The following FHAD1 variants were observed in gnomAD, a reference collection of about 807,000 sequenced individuals.
The protein encoded by FHAD1 is forkhead associated phosphopeptide binding domain 1.
FHAD1 carries 146 observed loss-of-function variants against 191.3 expected under a neutral mutation model. The observed-to-expected ratio is 0.76, with a 90% CI of 0.67 to 0.88. FHAD1 has a LOEUF of 0.88. FHAD1 is among the 40% of genes least tolerant of loss of function. The pLI, the probability that FHAD1 is intolerant of heterozygous loss-of-function variation, is 0.00. For synonymous variants in FHAD1, 616 were observed against 672.3 expected, an observed-to-expected ratio of 0.92 and a Z score of 1.29; for missense variants, 1,635 against 1,785.8, an observed-to-expected ratio of 0.92 and a Z score of 1.52.
chr1:15,308,810 A>G (rs1671364866), intron 7 of FHAD1, 74 bp downstream of exon 7: 3 of 1,540,620 alleles, frequency 1.9e-6, no homozygotes. Flanking sequence ...GACATCACCA[A>G]TCAACCACAT....
intron 2 of FHAD1, among the ~76,000 whole-genome samples, chr1:15,259,505 C>T (rs1649977889): frequency 6.6e-6 from 1 of 152,154 alleles, no homozygotes; most frequent in Admixed American, 6.5e-5. Flanking sequence ...GTAAATTTGG[C>T]TTTAGGGAAC....
intron 3 of FHAD1, chr1:15,286,969 T>C (rs114007956): frequency 8.3e-4 from 126 of 152,388 alleles, no homozygotes; most frequent in African/African-American, 2.8e-3. Context: ...GTAAAACGCA[T>C]TGGAGTTTGC....
rs563207105 is a variant in FHAD1, at chr1:15,365,903, G to A, written c.3124G>A (p.Glu1042Lys). The A allele has an allele frequency of 4.6e-5, 72 of 1,551,426 alleles. No individual in the cohort carries two copies. Among genetic ancestry groups the A allele is most frequent in the African/African-American group, 8.2e-5 (6 of 73,132 alleles). The change falls in exon 24 of 34, where the codon GAA becomes AAA. Residue 1042 changes from glutamate to lysine, a missense_variant. Physicochemically the swap from Glu to Lys is moderately conservative, Grantham distance 56. Coordinates refer to ENST00000688493, the MANE Select transcript of FHAD1 (RefSeq NM_001391957.1). ...CATGAAGTTAAGGAAAGACCTTACC[G>A]AAGCCCACAGCAGAATGTCGGATTT... ...VIMKLRKDLT[E>K]AHSRMSDLRG...
chr1:15,276,266 C>G lies in FHAD1; in HGVS notation c.300+3737C>G, dbSNP rs539418248. ...AATTGCTTAGCCCAGTATCTGGTGCCTATGATAGCAGGAAGGTAAGAGGAG... is the reference window on the plus strand; with the variant it reads ...AATTGCTTAGCCCAGTATCTGGTGCGTATGATAGCAGGAAGGTAAGAGGAG... On this transcript the variant is annotated intron_variant, in intron 3 of 33. Coordinates refer to ENST00000688493, the MANE Select transcript of FHAD1 (RefSeq NM_001391957.1). This position sits in a 1 kb window ranked among gnomAD's most constrained non-coding sequence, Gnocchi z 4.7. 6.6e-6 allele frequency among the ~76,000 whole-genome samples: 1 copy of G among 152,256 alleles called. No homozygotes were observed. The highest frequency in any genetic ancestry group is 1.9e-4 in the East Asian group (1 of 5,188).
At chr1:15,268,249 G>T (rs565916488) in intron 2 of FHAD1, among the ~76,000 whole-genome samples, 1,606 of 149,120 alleles carry the variant, frequency 0.011, 13 homozygotes, top group Non-Finnish European at 0.016. Context: ...TACGGTGTTT[G>T]GTTTTTTGTT....
At chr1:15,298,532 G>C (rs527410467) in intron 5 of FHAD1, among the ~76,000 whole-genome samples, 108 of 152,234 alleles carry the variant, frequency 7.1e-4, no homozygotes, top group African/African-American at 2.6e-3. Flanking sequence ...TTCATCCTGG[G>C]CTTCTTCATA....
intron 4 of FHAD1, among the ~76,000 whole-genome samples, chr1:15,290,827 G>GC (rs1367602317): frequency 6.6e-6 from 1 of 151,944 alleles, no homozygotes; most frequent in Non-Finnish European, 1.5e-5. Flanking sequence ...TCCTGCCTCA[G>GC]CCTCCCGAGT....
At chr1:15,272,274 G>A (rs756994252) in intron 2 of FHAD1, 49 bp from the exon 3 acceptor site, 51 of 1,502,188 alleles carry the variant, frequency 3.4e-5, no homozygotes, top group Non-Finnish European at 3.8e-5. Flanking sequence ...ATTAGGGGCC[G>A]TGTCATTTTT....
At chr1:15,362,512 C>A (rs993544304) in intron 22 of FHAD1, 130 bp from the exon 23 acceptor site, 1 of 708,026 alleles carries the variant, frequency 1.4e-6, no homozygotes. Flanking sequence ...GGCACACGTG[C>A]AGGTCTCACA....
intron 3 of FHAD1, among the ~76,000 whole-genome samples, chr1:15,284,812 GCTA>G (rs1381734339): frequency 6.6e-6 from 1 of 152,098 alleles, no homozygotes; most frequent in African/African-American, 2.4e-5. Context: ...TTGGCAGCCT[GCTA>G]TTTTAGACAG....
At chr1:15,238,442 T>A (rs1645018334) in intron 1 of FHAD1, among the ~76,000 whole-genome samples, 1 of 152,108 alleles carries the variant, frequency 6.6e-6, no homozygotes, top group Admixed American at 6.5e-5. Flanking sequence ...GGCTTGCTGT[T>A]GATGGAAACT....
intron 2 of FHAD1, among the ~76,000 whole-genome samples, chr1:15,254,422 A>T (rs960474444): frequency 6.6e-6 from 1 of 152,166 alleles, no homozygotes; most frequent in Non-Finnish European, 1.5e-5. Context: ...AATGCATATA[A>T]AGTACCTGGC....
chr1:15,312,849 CA>C lies in FHAD1; in HGVS notation c.1040-206del, dbSNP rs1672719612. 6.6e-6 allele frequency among the ~76,000 whole-genome samples: 1 copy of C among 152,170 alleles called. No homozygotes were observed. Among genetic ancestry groups the C allele is most frequent in the Admixed American group, 6.5e-5 (1 of 15,284 alleles). On this transcript the variant is annotated intron_variant, in intron 7 of 33. Transcript: ENST00000688493. This position sits in a 1 kb window ranked among gnomAD's most constrained non-coding sequence, Gnocchi z 4.7. Reference sequence around the variant, plus strand: ...CCCGACAGATGTTTCCTGTCTCCAGCAACACGCACTGACTGACCTCTCCTTC... The same window carrying C: ...CCCGACAGATGTTTCCTGTCTCCAGCACACGCACTGACTGACCTCTCCTTC...
chr1:15,326,498 A>G (rs1016547843), intron 11 of FHAD1: 1 of 152,244 alleles, frequency 6.6e-6, no homozygotes, highest in Non-Finnish European at 1.5e-5. Flanking sequence ...ACAGGCATCC[A>G]GCAAAGGTTA....
intron 14 of FHAD1, among the ~76,000 whole-genome samples, chr1:15,338,523 C>T (rs762928389): frequency 6.6e-6 from 1 of 152,200 alleles, no homozygotes; most frequent in African/African-American, 2.4e-5. Context: ...TCTCGAAATC[C>T]TTAACTTAAT....
chr1:15,257,530 C>G (rs1020592090), intron 2 of FHAD1, among the ~76,000 whole-genome samples: 2 of 152,206 alleles, frequency 1.3e-5, no homozygotes, highest in South Asian at 2.1e-4. Flanking sequence ...CGTTCACCTT[C>G]CTGCCTCAGC....
chr1:15,309,307 A>C (rs1360887860), intron 7 of FHAD1, among the ~76,000 whole-genome samples: 2 of 152,198 alleles, frequency 1.3e-5, no homozygotes, highest in Admixed American at 6.5e-5. Context: ...TCATTCATTC[A>C]GCACATTTAT....
Position 15,381,237 on chromosome 1 carries a change from G to C in FHAD1, c.3808G>C (p.Asp1270His). 6.4e-7 allele frequency: 1 copy of C among 1,551,264 alleles called. No individual in the cohort carries two copies. The highest frequency in any genetic ancestry group is 8.7e-7 in the Non-Finnish European group (1 of 1,146,676). The change falls in exon 30 of 34, where the codon GAT becomes CAT. Residue 1270 changes from aspartate to histidine, a missense_variant. Transcript: ENST00000688493. This position sits in a 1 kb window ranked among gnomAD's most constrained non-coding sequence, Gnocchi z 4.6. ...ALELSEKLYLDMSKTLGSLMN... is the reference protein window; with the variant it reads ...ALELSEKLYLHMSKTLGSLMN... ...GCGAACGTTTTCCTTGTAGTACCTGGATATGAGCAAAACCCTCGGAAGTCT... is the reference window on the plus strand; with the variant it reads ...GCGAACGTTTTCCTTGTAGTACCTGCATATGAGCAAAACCCTCGGAAGTCT...
intron 14 of FHAD1, among the ~76,000 whole-genome samples, chr1:15,331,480 GTGGATTGATGGA>G (rs1681416698): frequency 2.5e-5 from 3 of 117,660 alleles, no homozygotes; most frequent in African/African-American, 6.5e-5. Context: ...GGGTGGGTGG[GTGGATTGATGGA>G]TGGATGGATG....
Sources: gnomAD v4.1 joint callset for allele counts (sites outside exome capture counted in the v4.1 genomes callset) on GRCh38, gnomAD v4.1.1 for gene constraint, Gnocchi (gnomAD v3.1) non-coding constraint, MANE v1.5 for transcripts, NCBI Gene and HGNC (gene_info 2026-07-23, HGNC 2026-07-21) for gene names.